Variants in ZDHHC11 observed in about 807,000 individuals in gnomAD.
ZDHHC11 encodes the protein palmitoyltransferase ZDHHC11.
Under a neutral mutation model 51.3 loss-of-function variants are expected in ZDHHC11, and 44 were observed. That is an observed-to-expected ratio of 0.86 (90% CI 0.67 to 1.10). The LOEUF (loss-of-function observed/expected upper bound fraction) is 1.10, where lower values mean the gene tolerates loss of function less well. Ranked by LOEUF, ZDHHC11 falls within the 50% of genes least tolerant of loss-of-function variation. The probability of loss-of-function intolerance (pLI) is 0.00; values close to 1 mark genes in which losing one functional copy is unlikely to be tolerated. For missense variants in ZDHHC11, 400 were observed against 537.7 expected (o/e 0.74, Z 2.53); for synonymous variants, 163 against 222.0 (o/e 0.73, Z 2.36).
Position 820,445 on chromosome 5 carries a change from G to A in ZDHHC11, c.1059-833C>T, listed in dbSNP as rs1451366546. On this transcript the variant is annotated intron_variant, in intron 9 of 12. Coordinates refer to ENST00000283441, the MANE Select transcript of ZDHHC11 (RefSeq NM_024786.3). The stretch of plus-strand genomic sequence containing the variant: ...CCAACAGGGCCTTGTCCTGATCTAA[G>A]AAGCCCTTTGCCCTCTGGCTGTGGA... 2.0e-5 allele frequency among the ~76,000 whole-genome samples: 3 copies of A among 151,586 alleles called. No individual in the cohort carries two copies. The East Asian group carries it at 5.8e-4, about 29-fold the overall frequency.
chr5:797,115 G>A (rs1737697912), intron 12 of ZDHHC11, among the ~76,000 whole-genome samples: 1 of 151,206 alleles, frequency 6.6e-6, no homozygotes, highest in Non-Finnish European at 1.5e-5. Context: ...GCTGAGGCAG[G>A]AGAATGTTGT....
upstream of ZDHHC11, among the ~76,000 whole-genome samples, chr5:852,880 C>T (rs1265555827): frequency 2.1e-5 from 3 of 145,706 alleles, no homozygotes; most frequent in Non-Finnish European, 4.5e-5. Context: ...CGGGGACAGA[C>T]CCCACGGAGG....
At chr5:858,065 G>A (rs1474379438) in intron 1 of ZDHHC11, among the ~76,000 whole-genome samples, 1 of 140,066 alleles carries the variant, frequency 7.1e-6, no homozygotes, top group Non-Finnish European at 1.5e-5. Context: ...GTCTGTCCAG[G>A]TCCCTGTCAT....
At position 801,091 on chromosome 5, in the gene ZDHHC11, G is replaced by C. The variant is rs369462081; in HGVS notation, c.*7+9C>G. 6.2e-7 allele frequency: 1 copy of C among 1,609,658 alleles called. No homozygotes were observed. Among genetic ancestry groups the C allele is most frequent in the Non-Finnish European group, 8.5e-7 (1 of 1,176,706 alleles). On this transcript the variant is annotated intron_variant, in intron 12 of 12. Transcript: ENST00000283441. Reference sequence around the variant, plus strand: ...ATTTCAACATGACCCGCACTGCCACGTATCTTACCTGAATCTCAGTCTTCA... The same window carrying C: ...ATTTCAACATGACCCGCACTGCCACCTATCTTACCTGAATCTCAGTCTTCA...
rs549965218 is a variant in ZDHHC11 at position 823,530 on chromosome 5, G to A, written c.1023+1634C>T. 4.4e-3 allele frequency: 678 copies of A among 153,018 alleles called. 32 individuals carry two copies. The highest frequency in any genetic ancestry group is 7.5e-3 in the Non-Finnish European group (511 of 68,430). The allele number at this position is 153,018 out of a possible 1,614,324, so 9.5% of individuals were successfully genotyped here. On this transcript the variant is annotated intron_variant, in intron 8 of 12. Transcript: ENST00000283441. Reference sequence around the variant, plus strand: ...AGCTGTGGGCCCACTCCAAGGGGAGGCGATGGACTGTAGGTCTGTGGAGCT... The same window carrying A: ...AGCTGTGGGCCCACTCCAAGGGGAGACGATGGACTGTAGGTCTGTGGAGCT...
intron 1 of ZDHHC11, among the ~76,000 whole-genome samples, chr5:857,657 A>C (rs779127237): frequency 1.4e-5 from 2 of 143,652 alleles, no homozygotes; most frequent in Non-Finnish European, 3.0e-5. Context: ...CCCTGTCTTT[A>C]TGACACCAGG....
chr5:823,793 G>A (rs1561255328), intron 8 of ZDHHC11: 2 of 305,098 alleles, frequency 6.6e-6, no homozygotes, highest in East Asian at 1.6e-4. Flanking sequence ...AGACACTGAG[G>A]GGACTCACAA....
At chr5:849,651 C>G (rs1184352296) in intron 1 of ZDHHC11, 4 of 152,422 alleles carry the variant, frequency 2.6e-5, no homozygotes, top group South Asian at 2.1e-4. Flanking sequence ...CAGACTCACT[C>G]AGGGACCCTG....
chr5:850,964 G>A lies in ZDHHC11; in HGVS notation c.-362C>T, dbSNP rs558950447. ...GAGTGCTCGACAGCCCCCACACAGCGACAGGTCCCACAACCCGTTCACGAA... is the reference window on the plus strand; with the variant it reads ...GAGTGCTCGACAGCCCCCACACAGCAACAGGTCCCACAACCCGTTCACGAA... On this transcript the variant is annotated 5_prime_UTR_variant, in exon 1 of 13. Transcript: ENST00000283441. 8.1e-5 allele frequency: 28 copies of A among 347,808 alleles called. No individual in the cohort carries two copies. Among genetic ancestry groups the A allele is most frequent in the South Asian group, 4.1e-4 (9 of 21,980 alleles). The allele number at this position is 347,808 out of a possible 1,614,324, so 21.5% of individuals were successfully genotyped here.
chr5:801,024 T>A (rs1738336497), intron 12 of ZDHHC11, 76 bp downstream of exon 12: 2 of 1,568,330 alleles, frequency 1.3e-6, no homozygotes, highest in Non-Finnish European at 1.8e-6. Context: ...GGTGATTTTT[T>A]AAAGAAGATA....
chr5:798,384 C>T (rs12522529), intron 12 of ZDHHC11, among the ~76,000 whole-genome samples: 1 of 144,818 alleles, frequency 6.9e-6, no homozygotes, highest in African/African-American at 2.5e-5. Flanking sequence ...TATTTACACT[C>T]GCACTCACAT....
intron 3 of ZDHHC11, among the ~76,000 whole-genome samples, chr5:844,573 C>G (rs577248715): frequency 3.3e-5 from 5 of 152,402 alleles, no homozygotes; most frequent in African/African-American, 9.6e-5. Flanking sequence ...GTGCTGGGGT[C>G]TCCATGGCAC....
rs1203138496 is a variant in ZDHHC11, at chr5:850,380, C to T, written c.222+1G>A. ...AGACCATGCCACGATGAAAAGGATA[C>T]CACGTAGGCAATGTATTTCCACGCG... On this transcript the variant is annotated splice_donor_variant, in intron 1 of 12. Transcript: ENST00000283441. LOFTEE classifies it high-confidence loss of function. The T allele has an allele frequency of 3.7e-6, 6 of 1,613,374 alleles. No homozygotes were observed. The highest frequency in any genetic ancestry group is 4.2e-6 in the Non-Finnish European group (5 of 1,179,964).
At chr5:837,724 C>T (rs1318428747) in intron 5 of ZDHHC11, among the ~76,000 whole-genome samples, 1 of 151,856 alleles carries the variant, frequency 6.6e-6, no homozygotes, top group Non-Finnish European at 1.5e-5. Flanking sequence ...ACAGTGCTGA[C>T]CCACGCCCCT....
upstream of ZDHHC11, among the ~76,000 whole-genome samples, chr5:851,931 C>T (rs1747287864): frequency 6.6e-6 from 1 of 152,202 alleles, no homozygotes; most frequent in Non-Finnish European, 1.5e-5. Flanking sequence ...TGGCACATGC[C>T]TCTAATCCCA....
chr5:841,364 CA>C (rs1744913204), intron 4 of ZDHHC11: 1 of 892,900 alleles, frequency 1.1e-6, no homozygotes, highest in African/African-American at 3.2e-5. Context: ...ACCCCTTCCT[CA>C]CTAAGTGCCA....
At chr5:844,871 A>T (rs538718476) in intron 3 of ZDHHC11, among the ~76,000 whole-genome samples, 3 of 152,302 alleles carry the variant, frequency 2.0e-5, no homozygotes, top group African/African-American at 7.2e-5. Flanking sequence ...ATCCACAAAA[A>T]CCAATTCTGG....
chr5:810,561 TAAAC>T (rs1265171748), intron 11 of ZDHHC11, among the ~76,000 whole-genome samples: 1 of 151,256 alleles, frequency 6.6e-6, no homozygotes, highest in Non-Finnish European at 1.5e-5. Context: ...TGACATGATT[TAAAC>T]AAAGTCCCTG....
chr5:854,120 GC>G (rs1747757888), upstream of ZDHHC11, among the ~76,000 whole-genome samples: 1 of 141,256 alleles, frequency 7.1e-6, no homozygotes. Context: ...ACAGTGAGGA[GC>G]GGGGACAGAC....
Sources: gnomAD v4.1 joint callset for allele counts (sites outside exome capture counted in the v4.1 genomes callset) on GRCh38, gnomAD v4.1.1 for gene constraint, MANE v1.5 for transcripts, NCBI Gene and HGNC (gene_info 2026-07-23, HGNC 2026-07-21) for gene names.